CDKL2: variants seen among roughly 807,000 people sequenced by gnomAD.
The protein encoded by CDKL2 is cyclin-dependent kinase-like 2.
In CDKL2, 64 loss-of-function variants were observed where a neutral mutation model predicts 63.9. The ratio of observed to expected loss-of-function variants is 1.00; its 90% CI spans 0.82 to 1.23. The LOEUF is 1.23. CDKL2 is among the 50% of genes most tolerant of loss of function. CDKL2 has a pLI of 0.00. For missense variants in CDKL2, 656 were observed against 668.0 expected (o/e 0.98, Z 0.20); for synonymous variants, 211 against 229.2 (o/e 0.92, Z 0.72).
chr4:75,589,053 A>G (rs964383811), intron 12 of CDKL2, among the ~76,000 whole-genome samples: 17 of 152,226 alleles, frequency 1.1e-4, no homozygotes, highest in Admixed American at 1.1e-3. Flanking sequence ...TTGAGCAGAT[A>G]TTTCATCAAA....
chr4:75,627,740 T>TC (rs1455106484), intron 1 of CDKL2, among the ~76,000 whole-genome samples: 5 of 141,468 alleles, frequency 3.5e-5, no homozygotes, highest in Non-Finnish European at 4.6e-5. Flanking sequence ...TCTTTTTTTT[T>TC]TTTTTTTTTT....
chr4:75,607,265 G>C lies in CDKL2; in HGVS notation c.460C>G (p.Pro154Ala), dbSNP rs1240069654. The stretch of plus-strand genomic sequence containing the variant: ...ACATAATCAGTATAAACCTCCCCAG[G>C]AGCTGCCAATGTTCGCGCAAATCCA... ...DFGFARTLAA[P>A]GEVYTDYVAT... Residue 154 changes from proline (P) to alanine (A), a missense_variant, in exon 4 of 14, where the codon CCT becomes GCT. Coordinates refer to ENST00000307465, the MANE Select transcript of CDKL2 (RefSeq NM_001330724.2). 11 of 1,613,862 alleles carry C rather than the reference G, an allele frequency of 6.8e-6. No individual in the cohort carries two copies. The highest frequency in any genetic ancestry group is 1.3e-5 in the African/African-American group (1 of 74,894).
At chr4:75,615,392 T>C (rs1013528717) in intron 2 of CDKL2, among the ~76,000 whole-genome samples, 2 of 152,088 alleles carry the variant, frequency 1.3e-5, no homozygotes, top group Admixed American at 6.5e-5. Context: ...GAAACATAAA[T>C]GGTAGATTAA....
chr4:75,594,624 G>A (rs1728840590), intron 10 of CDKL2, among the ~76,000 whole-genome samples: 1 of 152,004 alleles, frequency 6.6e-6, no homozygotes, highest in African/African-American at 2.4e-5. Context: ...AAATAAGCAA[G>A]GAGAAGGCAT....
chr4:75,581,808 A>G lies in CDKL2; in HGVS notation c.*23+2T>C. 1.3e-6 allele frequency: 2 copies of G among 1,553,180 alleles called. No homozygotes were observed. The highest frequency in any genetic ancestry group is 1.8e-6 in the Non-Finnish European group (2 of 1,126,134). On this transcript the variant is annotated splice_donor_variant, in intron 13 of 13. Coordinates refer to ENST00000307465, the MANE Select transcript of CDKL2 (RefSeq NM_001330724.2). LOFTEE classifies it low-confidence loss of function (3UTR_SPLICE). ...GCTTTAAGTATGGGAAATCACACCT[A>G]CCCAGTTCAGAACCAAAATGGTTCT... is the stretch of plus-strand genomic sequence containing the variant.
At chr4:75,611,336 G>C (rs548961461) in intron 3 of CDKL2, among the ~76,000 whole-genome samples, 1 of 152,034 alleles carries the variant, frequency 6.6e-6, no homozygotes, top group African/African-American at 2.4e-5. Flanking sequence ...GTGCACACCG[G>C]TAATCCCAGC....
chr4:75,616,700 CA>C (rs765649411), intron 2 of CDKL2, among the ~76,000 whole-genome samples: 819 of 70,394 alleles, frequency 0.012, 4 homozygotes, highest in Middle Eastern at 0.03. Context: ...ACTCCATCTC[CA>C]AAAAAAAAAA....
intron 4 of CDKL2, among the ~76,000 whole-genome samples, chr4:75,606,211 G>A (rs1240140525): frequency 1.9e-5 from 2 of 103,400 alleles, no homozygotes; most frequent in Non-Finnish European, 3.8e-5. Context: ...GGGATGATAG[G>A]GATAATTTTT....
At position 75,625,854 on chromosome 4, in the gene CDKL2, T is replaced by C. The variant is rs1299169482; in HGVS notation, c.135A>G (p.Lys45=). The change falls in exon 2 of 14, where the codon AAA becomes AAG. Residue 45 remains lysine, a synonymous_variant. Coordinates refer to ENST00000307465, the MANE Select transcript of CDKL2 (RefSeq NM_001330724.2). ...FLESDDDKMV[K]KIAMREIKLL... ...ACTTGATTTCTCGCATTGCAATCTT[T>C]TTAACCATTTTGTCATCGTCACTTT... 5.0e-6 allele frequency: 8 copies of C among 1,613,094 alleles called. No homozygotes were observed. The highest frequency in any genetic ancestry group is 5.9e-6 in the Non-Finnish European group (7 of 1,179,762).
intron 2 of CDKL2, among the ~76,000 whole-genome samples, chr4:75,617,877 C>T (rs953106087): frequency 1.3e-5 from 2 of 151,982 alleles, no homozygotes; most frequent in African/African-American, 4.8e-5. Flanking sequence ...CCAAGGCGGA[C>T]GGATCACGAG....
At chr4:75,588,762 T>G (rs1236750022) in intron 12 of CDKL2, among the ~76,000 whole-genome samples, 1 of 152,228 alleles carries the variant, frequency 6.6e-6, no homozygotes, top group African/African-American at 2.4e-5. Flanking sequence ...TCTTAATTTC[T>G]AAATATGATT....
At chr4:75,593,023 C>T (rs1208899124) in intron 10 of CDKL2, among the ~76,000 whole-genome samples, 1 of 152,126 alleles carries the variant, frequency 6.6e-6, no homozygotes, top group Non-Finnish European at 1.5e-5. Context: ...TACACACAAA[C>T]ATATGTATAA....
chr4:75,583,597 T>C (rs575836462), intron 12 of CDKL2, among the ~76,000 whole-genome samples: 1 of 152,302 alleles, frequency 6.6e-6, no homozygotes, highest in African/African-American at 2.4e-5. Context: ...TCCAACAATA[T>C]GAAATTGCAG....
In CDKL2 at chr4:75,609,618, A is replaced by T. The variant is rs552720932; in HGVS notation, c.364-2257T>A. Among the ~76,000 whole-genome samples, 119 of 147,870 alleles carry T rather than the reference A, an allele frequency of 8.0e-4. 1 individual carries two copies. The highest frequency in any genetic ancestry group is 3.8e-3 in the South Asian group (18 of 4,768). On this transcript the variant is annotated intron_variant, in intron 3 of 13. Coordinates refer to ENST00000307465, the MANE Select transcript of CDKL2 (RefSeq NM_001330724.2). The stretch of plus-strand genomic sequence containing the variant: ...CTCCATCTCAAAAAATATATATATA[A>T]AAAATATTATATAGATATATATCAT...
intron 3 of CDKL2, among the ~76,000 whole-genome samples, chr4:75,610,058 C>T (rs765742335): frequency 9.2e-5 from 14 of 151,906 alleles, no homozygotes; most frequent in Non-Finnish European, 1.9e-4. Flanking sequence ...AAAAATTAGC[C>T]AGGCGTGGTG....
At chr4:75,603,762 G>GAATT in intron 6 of CDKL2, 55 bp downstream of exon 6, 1 of 1,014,256 alleles carries the variant, frequency 9.9e-7, no homozygotes, top group Non-Finnish European at 1.4e-6. Flanking sequence ...AAAAAAAAAG[G>GAATT]TCTTGATAGT....
intron 12 of CDKL2, among the ~76,000 whole-genome samples, chr4:75,586,133 C>G (rs1728469689): frequency 6.6e-6 from 1 of 151,964 alleles, no homozygotes; most frequent in Non-Finnish European, 1.5e-5. Context: ...CTAGGGAAAC[C>G]TCAAATACCT....
intron 2 of CDKL2, among the ~76,000 whole-genome samples, chr4:75,620,675 C>G (rs1259709551): frequency 6.6e-6 from 1 of 151,964 alleles, no homozygotes; most frequent in Non-Finnish European, 1.5e-5. Flanking sequence ...TTTTTTTAAC[C>G]CAAGAAACAT....
chr4:75,614,099 T>C (rs1229244734), intron 3 of CDKL2, among the ~76,000 whole-genome samples, 156 bp downstream of exon 3: 3 of 152,100 alleles, frequency 2.0e-5, no homozygotes, highest in South Asian at 4.1e-4. Flanking sequence ...AGAAAACAAA[T>C]ATTTAACTCC....
Sources: gnomAD v4.1 joint callset for allele counts (sites outside exome capture counted in the v4.1 genomes callset) on GRCh38, gnomAD v4.1.1 for gene constraint, MANE v1.5 for transcripts, NCBI Gene and HGNC (gene_info 2026-07-23, HGNC 2026-07-21) for gene names.